Variants in PSMD1 observed in about 807,000 individuals in gnomAD.
The protein encoded by PSMD1 is 26S proteasome non-ATPase regulatory subunit 1.
PSMD1 carries 18 observed loss-of-function variants against 119.0 expected under a neutral mutation model. That is an observed-to-expected ratio of 0.15 (90% CI 0.10 to 0.22). PSMD1 has a LOEUF of 0.22. Among genes scored for constraint, PSMD1 ranks in the 10% least tolerant of loss-of-function variants. The probability of loss-of-function intolerance (pLI) is 1.00; values close to 1 mark genes in which losing one functional copy is unlikely to be tolerated. For missense variants in PSMD1, 702 were observed against 1,158.5 expected, an observed-to-expected ratio of 0.61 and a Z score of 5.72; for synonymous variants, 374 against 396.6, an observed-to-expected ratio of 0.94 and a Z score of 0.68.
intron 16 of PSMD1, among the ~76,000 whole-genome samples, chr2:231,098,447 TTCTC>T (rs372348373): frequency 8.0e-5 from 12 of 150,740 alleles, no homozygotes; most frequent in East Asian, 5.9e-4. Context: ...CTCTGTCTCT[TTCTC>T]TCTCTCTCTG....
intron 1 of PSMD1, among the ~76,000 whole-genome samples, chr2:231,060,181 C>T (rs1310642969): frequency 6.6e-6 from 1 of 152,240 alleles, no homozygotes; most frequent in African/African-American, 2.4e-5. Flanking sequence ...GTTCCCTGTG[C>T]TGTCCATTCA....
intron 16 of PSMD1, among the ~76,000 whole-genome samples, chr2:231,091,677 AT>A (rs1365603566): frequency 6.6e-6 from 1 of 152,138 alleles, no homozygotes; most frequent in African/African-American, 2.4e-5. Flanking sequence ...TCCAGGAGAG[AT>A]GTTATCTCAC....
chr2:231,170,706 T>A lies in PSMD1; in HGVS notation c.2856T>A (p.Asp952Glu). ...PEPPEPFEYIDD is the reference protein window; with the variant it reads ...PEPPEPFEYIED ...CCCCAGAACCATTTGAGTATATTGA[T>A]GATTAAGGGCCAGAGGTGCGTGTGC... is the stretch of plus-strand genomic sequence containing the variant. Residue 952 changes from aspartate to glutamate, a missense_variant, in exon 24 of 25, where the codon GAT becomes GAA. Physicochemically the swap from Asp to Glu is conservative, Grantham distance 45 (BLOSUM62 2). Coordinates refer to ENST00000308696, the MANE Select transcript of PSMD1 (RefSeq NM_002807.4). The surrounding 1 kb of genome is among the most constrained non-coding windows in gnomAD (Gnocchi z 4.1). The A allele has an allele frequency of 6.2e-7, 1 of 1,610,194 alleles. No individual in the cohort carries two copies. Among genetic ancestry groups the A allele is most frequent in the Non-Finnish European group, 8.5e-7 (1 of 1,178,744 alleles).
Position 231,146,220 on chromosome 2 carries a change from GT to G in PSMD1, c.1999-13del, listed in dbSNP as rs757783504. 3.3e-6 allele frequency: 5 copies of G among 1,530,206 alleles called. No homozygotes were observed. Among genetic ancestry groups the G allele is most frequent in the South Asian group, 1.1e-5 (1 of 89,020 alleles). 94.8% of individuals were successfully genotyped at this position (1,530,206 alleles called of 1,614,324 possible). A position where few individuals can be genotyped will look rare whatever the true frequency, so the allele number is the denominator to read the frequency against. On this transcript the variant is annotated intron_variant, in intron 17 of 24. Transcript: ENST00000308696. ...TATCAACTTTATTTAAAAGTTGTGTGTTTTTTTAAATTCTTTCAGGAAGCCA... is the reference window on the plus strand; with the variant it reads ...TATCAACTTTATTTAAAAGTTGTGTGTTTTTTAAATTCTTTCAGGAAGCCA...
intron 16 of PSMD1, among the ~76,000 whole-genome samples, chr2:231,121,989 C>T (rs1236291963): frequency 8.1e-6 from 1 of 123,146 alleles, no homozygotes. Flanking sequence ...ATCAAATATG[C>T]ATATATATTT....
Position 231,072,222 on chromosome 2 carries a change from A to G in PSMD1, c.688A>G (p.Ser230Gly). 1 of 1,613,450 alleles carries G rather than the reference A, an allele frequency of 6.2e-7. No individual in the cohort carries two copies. The highest frequency in any genetic ancestry group is 8.5e-7 in the Non-Finnish European group (1 of 1,179,420). The change falls in exon 7 of 25, where the codon AGT (serine) becomes GGT (glycine). Residue 230 changes from serine to glycine, a missense_variant. Physicochemically the swap from Ser to Gly is moderately conservative, Grantham distance 56. Around this residue, in one of 9 missense-constraint regions of PSMD1, gnomAD observed 32 missense variants for 77.1 expected, o/e 0.42. Transcript: ENST00000308696. ...TTTCTTAGATGATCCTCAGGCTGTGAGTGATATCTTAGAGAAACTGGTAAA... is the reference window on the plus strand; with the variant it reads ...TTTCTTAGATGATCCTCAGGCTGTGGGTGATATCTTAGAGAAACTGGTAAA... ...LIFLDDPQAV[S>G]DILEKLVKED...
chr2:231,157,489 G>C (rs966177310), intron 19 of PSMD1, among the ~76,000 whole-genome samples: 3 of 123,456 alleles, frequency 2.4e-5, no homozygotes, highest in African/African-American at 9.1e-5. Flanking sequence ...TTATCTGTTT[G>C]TCTCGTGGAC....
intron 19 of PSMD1, among the ~76,000 whole-genome samples, chr2:231,156,501 A>G (rs952392149): frequency 2.6e-5 from 4 of 152,106 alleles, no homozygotes; most frequent in Non-Finnish European, 4.4e-5. Flanking sequence ...TAACCTATTT[A>G]TCCCTCCTTG....
Position 231,056,944 on chromosome 2 carries a change from G to T in PSMD1, c.-82G>T. The stretch of plus-strand genomic sequence containing the variant: ...CACCCGGGGAGCAAGGAGGCGCGGT[G>T]AACTGAGCGGCCCCTGAGCTGACAG... On this transcript the variant is annotated 5_prime_UTR_variant, in exon 1 of 25. Coordinates refer to ENST00000308696, the MANE Select transcript of PSMD1 (RefSeq NM_002807.4). 1 of 1,525,372 alleles carries T rather than the reference G, an allele frequency of 6.6e-7. No homozygotes were observed. The highest frequency in any genetic ancestry group is 1.2e-5 in the South Asian group (1 of 83,628). 94.5% of individuals were successfully genotyped at this position (1,525,372 alleles called of 1,614,324 possible). A position where few individuals can be genotyped will look rare whatever the true frequency, so the allele number is the denominator to read the frequency against.
chr2:231,167,006 C>T (rs1263216243), intron 23 of PSMD1, among the ~76,000 whole-genome samples: 1 of 152,194 alleles, frequency 6.6e-6, no homozygotes, highest in Non-Finnish European at 1.5e-5. Flanking sequence ...TTTCAGTTTC[C>T]TCATCTGTAA....
chr2:231,165,037 TATATATATATATATATATATATATATA>T (rs1696736452), intron 21 of PSMD1, 136 bp from the exon 22 acceptor site: 13 of 7,990 alleles, frequency 1.6e-3, no homozygotes, highest in Admixed American at 5.8e-3. Flanking sequence ...TATATATTTA[TATATATATATATATATATATATATATA>T]TATATATATA....
chr2:231,126,481 A>T (rs1695723706), intron 16 of PSMD1, among the ~76,000 whole-genome samples: 1 of 152,156 alleles, frequency 6.6e-6, no homozygotes, highest in East Asian at 1.9e-4. Context: ...ATTTTTAAAT[A>T]CTGCTTAGTT....
intron 20 of PSMD1, chr2:231,163,255 G>A: frequency 6.0e-6 from 1 of 167,200 alleles, no homozygotes; most frequent in East Asian, 1.7e-4. Context: ...GCTAGTGTAA[G>A]TTACTAGTCT....
Position 231,056,902 on chromosome 2 carries a change from C to A in PSMD1, c.-124C>A. 2.2e-6 allele frequency: 3 copies of A among 1,338,854 alleles called. No individual in the cohort carries two copies. Among genetic ancestry groups the A allele is most frequent in the African/African-American group, 1.5e-5 (1 of 66,442 alleles). The allele number at this position is 1,338,854 out of a possible 1,614,324, so 82.9% of individuals were successfully genotyped here. On this transcript the variant is annotated 5_prime_UTR_variant, in exon 1 of 25. Coordinates refer to ENST00000308696, the MANE Select transcript of PSMD1 (RefSeq NM_002807.4). ...GAAGCGAGCCGGCGGCCTGAGGAGGCGACTGACTGAGCAGCGCACCCGGGG... is the reference window on the plus strand; with the variant it reads ...GAAGCGAGCCGGCGGCCTGAGGAGGAGACTGACTGAGCAGCGCACCCGGGG...
At chr2:231,132,298 A>G (rs559141318) in intron 16 of PSMD1, among the ~76,000 whole-genome samples, 5 of 152,334 alleles carry the variant, frequency 3.3e-5, no homozygotes, top group African/African-American at 1.2e-4. Flanking sequence ...ATGTTGACAG[A>G]TTTTAGGATA....
intron 23 of PSMD1, among the ~76,000 whole-genome samples, chr2:231,167,231 G>A (rs1188153382): frequency 6.7e-6 from 1 of 149,064 alleles, no homozygotes; most frequent in African/African-American, 2.5e-5. Flanking sequence ...TCTCGGTGGC[G>A]GTTTTACAGA....
chr2:231,112,259 C>T (rs1695178994), intron 16 of PSMD1, among the ~76,000 whole-genome samples: 1 of 152,164 alleles, frequency 6.6e-6, no homozygotes, highest in South Asian at 2.1e-4. Context: ...CTCCTCTGCA[C>T]TTCAAATTTT....
chr2:231,100,872 C>T (rs981276235), intron 16 of PSMD1, among the ~76,000 whole-genome samples: 1 of 152,218 alleles, frequency 6.6e-6, no homozygotes, highest in Non-Finnish European at 1.5e-5. Flanking sequence ...GCACCAATGA[C>T]TTACTGACTG....
intron 18 of PSMD1, among the ~76,000 whole-genome samples, chr2:231,149,803 A>T (rs756786329): frequency 6.6e-5 from 10 of 152,244 alleles, no homozygotes; most frequent in Non-Finnish European, 1.3e-4. Flanking sequence ...ATAAAAAAGA[A>T]AAAGGCTACA....
Sources: allele counts gnomAD v4.1 joint callset (sites outside exome capture counted in the v4.1 genomes callset), GRCh38; gene constraint gnomAD v4.1.1; regional missense constraint gnomAD v4.1.1; non-coding constraint Gnocchi (gnomAD v3.1); transcripts MANE v1.5; gene names NCBI Gene and HGNC (gene_info 2026-07-23, HGNC 2026-07-21).